LSM14B: variants seen among roughly 807,000 people sequenced by gnomAD.
The protein encoded by LSM14B is LSM family member 14B.
A neutral mutation model predicts 42.1 loss-of-function variants in LSM14B; 8 were observed. The observed-to-expected ratio is 0.19, with a 90% CI of 0.11 to 0.34. LSM14B has a LOEUF of 0.34. LSM14B is among the 10% of genes least tolerant of loss of function. The pLI is 1.00. For synonymous variants in LSM14B, 219 were observed against 209.7 expected, an observed-to-expected ratio of 1.04 and a Z score of -0.38; for missense variants, 396 against 513.1, an observed-to-expected ratio of 0.77 and a Z score of 2.21.
rs1009595648 is a variant in LSM14B at position 62,130,251 on chromosome 20, G to A, written c.628G>A (p.Gly210Arg). 1.2e-6 allele frequency: 2 copies of A among 1,605,254 alleles called. No homozygotes were observed. Among genetic ancestry groups the A allele is most frequent in the East Asian group, 2.2e-5 (1 of 44,486 alleles). ...CCAGCCGGCAGCTGTGCAAGCTCAA[G>A]GGCAGGTGAATGACGAGAACAGAAG... ...VVQPAAVQAQGQVNDENRRPQ... is the reference protein window; with the variant it reads ...VVQPAAVQAQRQVNDENRRPQ... The change falls in exon 5 of 9, where the codon GGG (glycine) becomes AGG (arginine). Residue 210 changes from glycine (G) to arginine (R), a missense_variant. By Grantham distance (125) the Gly-to-Arg change is moderately radical. Coordinates refer to ENST00000279068, the MANE Select transcript of LSM14B (RefSeq NM_144703.3). This position sits in a 1 kb window ranked among gnomAD's most constrained non-coding sequence, Gnocchi z 4.1.
rs1179417504 is a variant in LSM14B, at chr20:62,130,698, C to G, written c.835+7C>G. 6.2e-7 allele frequency: 1 copy of G among 1,612,388 alleles called. No homozygotes were observed. Among genetic ancestry groups the G allele is most frequent in the Admixed American group, 1.7e-5 (1 of 59,880 alleles). ...AAGAAACTGAATTTTAAAGGTTTGG[C>G]TCATTATATGAAAATTATTCTCTGC... is the stretch of plus-strand genomic sequence containing the variant. On this transcript the variant is annotated splice_region_variant and intron_variant, in intron 6 of 8. Coordinates refer to ENST00000279068, the MANE Select transcript of LSM14B (RefSeq NM_144703.3). The surrounding 1 kb of genome is among the most constrained non-coding windows in gnomAD (Gnocchi z 4.1).
At chr20:62,126,493 G>A in intron 3 of LSM14B, 54 bp downstream of exon 3, 1 of 1,587,348 alleles carries the variant, frequency 6.3e-7, no homozygotes. Flanking sequence ...CTGTCACTGA[G>A]TGGAGCGATG....
At position 62,133,395 on chromosome 20, in the gene LSM14B, A is replaced by C. The variant is rs2056822435; in HGVS notation, c.1092A>C (p.Gly364=). ...RGRSSRGGFR[G]GRGNGTTRRN... is the part of the protein sequence containing the mutation. The stretch of plus-strand genomic sequence containing the variant: ...GCAGTTCTCGGGGCGGATTCCGAGG[A>C]GGCAGGGGCAATGGGACCACCCGTC... Residue 364 remains glycine (G), a synonymous_variant, in exon 8 of 9, where the codon GGA becomes GGC. Transcript: ENST00000279068. 1.2e-6 allele frequency: 2 copies of C among 1,613,330 alleles called. No individual in the cohort carries two copies. Among genetic ancestry groups the C allele is most frequent in the East Asian group, 2.2e-5 (1 of 44,852 alleles).
Position 62,134,570 on chromosome 20 carries a change from T to A in LSM14B, c.*422T>A, listed in dbSNP as rs2056855227. On this transcript the variant is annotated 3_prime_UTR_variant, in exon 9 of 9. Coordinates refer to ENST00000279068, the MANE Select transcript of LSM14B (RefSeq NM_144703.3). ...GCCAAGTACATCTCTGTAACCCAGC[T>A]GGCCCCTGGTGCTGTTGGCCTGGCA... The A allele has an allele frequency of 3.8e-6, 1 of 262,012 alleles. No individual in the cohort carries two copies. The highest frequency in any genetic ancestry group is 3.2e-5 in the South Asian group (1 of 30,938). The allele number at this position is 262,012 out of a possible 1,614,324, so 16.2% of individuals were successfully genotyped here. A position where few individuals can be genotyped will look rare whatever the true frequency, so the allele number is the denominator to read the frequency against.
rs201434190 is a variant in LSM14B, at chr20:62,129,854, C to T, written c.497C>T (p.Ala166Val). Residue 166 changes from alanine to valine, a missense_variant, in exon 4 of 9, where the codon GCT becomes GTT. Ala to Val is a moderately conservative substitution (Grantham distance 64). This residue lies in a region of LSM14B where 274 missense variants were observed against 335.8 expected (regional missense o/e 0.82). Coordinates refer to ENST00000279068, the MANE Select transcript of LSM14B (RefSeq NM_144703.3). ...GAGCAGGCTGTGCAGACTGGTTCTG[C>T]TGACAACCTGAATGCTAAAAAGCTG... ...MVEQAVQTGS[A>V]DNLNAKKLLP... The T allele has an allele frequency of 6.2e-7, 1 of 1,612,548 alleles. No homozygotes were observed. The highest frequency in any genetic ancestry group is 1.1e-5 in the South Asian group (1 of 90,774).
intron 2 of LSM14B, 22 bp from the exon 3 acceptor site, chr20:62,126,282 C>T (rs765106130): frequency 6.2e-7 from 1 of 1,613,920 alleles, no homozygotes; most frequent in Non-Finnish European, 8.5e-7. Context: ...TCGCCGTTCT[C>T]ACCCGATGTC....
intron 2 of LSM14B, among the ~76,000 whole-genome samples, chr20:62,125,788 T>C (rs920542998): frequency 6.6e-6 from 1 of 152,124 alleles, no homozygotes; most frequent in East Asian, 1.9e-4. Flanking sequence ...TAGAATTACA[T>C]GGACAAGACA....
At chr20:62,132,128 C>G (rs1052486449) in intron 7 of LSM14B, among the ~76,000 whole-genome samples, 12 of 152,212 alleles carry the variant, frequency 7.9e-5, no homozygotes, top group Admixed American at 7.2e-4. Flanking sequence ...GCCACCTCTT[C>G]AGGTTCATGT....
chr20:62,123,164 C>T (rs1221995251), intron 1 of LSM14B: 1 of 153,148 alleles, frequency 6.5e-6, no homozygotes, highest in Non-Finnish European at 1.5e-5. Context: ...AGCAGGGCGG[C>T]TCCCGTCAGC....
chr20:62,127,722 C>T, intron 3 of LSM14B: 1 of 1,477,588 alleles, frequency 6.8e-7, no homozygotes, highest in Non-Finnish European at 9.3e-7. Flanking sequence ...TTTGGGAGAA[C>T]TGCATGCTGT....
At chr20:62,124,881 CCT>C (rs2056539490) in intron 2 of LSM14B, 101 bp downstream of exon 2, 1 of 1,147,928 alleles carries the variant, frequency 8.7e-7, no homozygotes, top group Non-Finnish European at 1.2e-6. Flanking sequence ...TGAGGAATAA[CCT>C]TTTTTTTTTT....
chr20:62,130,053 C>T lies in LSM14B; in HGVS notation c.595+101C>T. 2 of 1,416,474 alleles carry T rather than the reference C, an allele frequency of 1.4e-6. No individual in the cohort carries two copies. The highest frequency in any genetic ancestry group is 1.4e-5 in the African/African-American group (1 of 69,178). 87.7% of individuals were successfully genotyped at this position (1,416,474 alleles called of 1,614,324 possible). ...TTTTTTAATTAAAAAAATACTACTC[C>T]CCCATCCTAAGCCCCATGTGCTTTT... On this transcript the variant is annotated intron_variant, in intron 4 of 8. Coordinates refer to ENST00000279068, the MANE Select transcript of LSM14B (RefSeq NM_144703.3). This position sits in a 1 kb window ranked among gnomAD's most constrained non-coding sequence, Gnocchi z 4.1.
chr20:62,133,983 C>T (rs1001590950), intron 8 of LSM14B, among the ~76,000 whole-genome samples, 180 bp from the exon 9 acceptor site: 2 of 152,242 alleles, frequency 1.3e-5, no homozygotes, highest in African/African-American at 4.8e-5. Flanking sequence ...CTGCCACTAG[C>T]TGCGTCCCTG....
chr20:62,133,722 T>C (rs1263365710), intron 8 of LSM14B, among the ~76,000 whole-genome samples: 1 of 151,890 alleles, frequency 6.6e-6, no homozygotes, highest in Non-Finnish European at 1.5e-5. Flanking sequence ...GTATGGGAGG[T>C]GAGGTGGTGC....
At position 62,122,705 on chromosome 20, in the gene LSM14B, G is replaced by A; in HGVS notation, c.39G>A (p.Lys13=). 6.6e-7 allele frequency: 1 copy of A among 1,514,696 alleles called. No homozygotes were observed. The highest frequency in any genetic ancestry group is 1.2e-5 in the South Asian group (1 of 84,314). 93.8% of individuals were successfully genotyped at this position (1,514,696 alleles called of 1,614,324 possible). ...GSSGTPYLGS[K]ISLISKAQIR... Reference sequence around the variant, plus strand: ...CAGGCACCCCGTATCTGGGCAGCAAGATCAGCCTCATCTCCAAGGCGCAGA... The same window carrying A: ...CAGGCACCCCGTATCTGGGCAGCAAAATCAGCCTCATCTCCAAGGCGCAGA... Residue 13 remains lysine, a synonymous_variant, in exon 1 of 9, where the codon AAG becomes AAA. Transcript: ENST00000279068. This position sits in a 1 kb window ranked among gnomAD's most constrained non-coding sequence, Gnocchi z 4.6.
At chr20:62,128,448 C>A (rs1466122841) in intron 3 of LSM14B, among the ~76,000 whole-genome samples, 2 of 152,232 alleles carry the variant, frequency 1.3e-5, no homozygotes, top group African/African-American at 4.8e-5. Flanking sequence ...GTGCTGCTTT[C>A]CAAATCCTGC....
chr20:62,130,701 A>G lies in LSM14B; in HGVS notation c.835+10A>G, dbSNP rs1160077871. 9 of 1,612,230 alleles carry G rather than the reference A, an allele frequency of 5.6e-6. No homozygotes were observed. Among genetic ancestry groups the G allele is most frequent in the East Asian group, 2.2e-5 (1 of 44,884 alleles). ...AAACTGAATTTTAAAGGTTTGGCTCATTATATGAAAATTATTCTCTGCACA... is the reference window on the plus strand; with the variant it reads ...AAACTGAATTTTAAAGGTTTGGCTCGTTATATGAAAATTATTCTCTGCACA... On this transcript the variant is annotated intron_variant, in intron 6 of 8. Transcript: ENST00000279068. This position sits in a 1 kb window ranked among gnomAD's most constrained non-coding sequence, Gnocchi z 4.1.
chr20:62,126,057 T>TCAAAAAA (rs1310485281), intron 2 of LSM14B, among the ~76,000 whole-genome samples: 44 of 151,944 alleles, frequency 2.9e-4, no homozygotes, highest in Non-Finnish European at 6.3e-4. Flanking sequence ...CAATACTCTT[T>TCAAAAAA]CAAAAAACAA....
chr20:62,127,652 C>T lies in LSM14B; in HGVS notation c.427+1213C>T, dbSNP rs949221838. On this transcript the variant is annotated intron_variant, in intron 3 of 8. Coordinates refer to ENST00000279068, the MANE Select transcript of LSM14B (RefSeq NM_144703.3). The stretch of plus-strand genomic sequence containing the variant: ...CTAGCTCTTCTCCATCTCCACAGCC[C>T]GTTTCAGAGCTTGACTTGTCCTCAG... 1.0e-5 allele frequency: 16 copies of T among 1,551,002 alleles called. No homozygotes were observed. The African/African-American group carries it at 1.5e-4, about 15-fold the overall frequency.
Sources: gnomAD v4.1 joint callset for allele counts (sites outside exome capture counted in the v4.1 genomes callset) on GRCh38, gnomAD v4.1.1 for gene constraint, gnomAD v4.1.1 regional missense constraint, Gnocchi (gnomAD v3.1) non-coding constraint, MANE v1.5 for transcripts, NCBI Gene and HGNC (gene_info 2026-07-23, HGNC 2026-07-21) for gene names.